NCKAP1L: variants seen among roughly 807,000 people sequenced by gnomAD.
NCKAP1L encodes the protein NCK associated protein 1 like.
Under a neutral mutation model 139.2 loss-of-function variants are expected in NCKAP1L, and 53 were observed. That is an observed-to-expected ratio of 0.38 (90% CI 0.31 to 0.48). The LOEUF is 0.48. Among genes scored for constraint, NCKAP1L ranks in the 20% least tolerant of loss-of-function variants. The probability of loss-of-function intolerance (pLI) is 0.98; values close to 1 mark genes in which losing one functional copy is unlikely to be tolerated. For synonymous variants in NCKAP1L, 468 were observed against 499.7 expected (o/e 0.94, Z 0.85); for missense variants, 1,151 against 1,381.9 (o/e 0.83, Z 2.65).
intron 10 of NCKAP1L, 94 bp downstream of exon 10, chr12:54,516,389 G>A: frequency 8.6e-7 from 1 of 1,161,238 alleles, no homozygotes; most frequent in Non-Finnish European, 1.3e-6. Context: ...TTTCTGTACA[G>A]CTTTATTGCC....
intron 3 of NCKAP1L, among the ~76,000 whole-genome samples, chr12:54,506,736 TA>T (rs1442329542): frequency 6.9e-6 from 1 of 144,710 alleles, no homozygotes; most frequent in African/African-American, 2.5e-5. Flanking sequence ...CTTGGCATCA[TA>T]TTTTTTTTAT....
At chr12:54,537,858 T>G (rs944040549) in intron 29 of NCKAP1L, among the ~76,000 whole-genome samples, 1 of 152,146 alleles carries the variant, frequency 6.6e-6, no homozygotes, top group Non-Finnish European at 1.5e-5. Context: ...ATCCAATTTC[T>G]TAAAAAAAAT....
At chr12:54,533,101 T>C (rs570309127) in intron 26 of NCKAP1L, among the ~76,000 whole-genome samples, 1 of 152,318 alleles carries the variant, frequency 6.6e-6, no homozygotes, top group African/African-American at 2.4e-5. Flanking sequence ...GGCAAGTGAC[T>C]GTGGGGGCAG....
intron 7 of NCKAP1L, among the ~76,000 whole-genome samples, 158 bp downstream of exon 7, chr12:54,510,143 T>C (rs571717983): frequency 6.6e-6 from 1 of 152,322 alleles, no homozygotes; most frequent in East Asian, 1.9e-4. Flanking sequence ...AGCTAAAAAA[T>C]CATGGTTGGT....
At chr12:54,538,789 A>T in intron 29 of NCKAP1L, 95 bp from the exon 30 acceptor site, 1 of 924,234 alleles carries the variant, frequency 1.1e-6, no homozygotes, top group Non-Finnish European at 1.7e-6. Context: ...AGCACTTCTT[A>T]ACTCTCTCCT....
intron 18 of NCKAP1L, 57 bp downstream of exon 18, chr12:54,521,295 C>T (rs966633777): frequency 1.3e-6 from 2 of 1,596,030 alleles, no homozygotes; most frequent in Non-Finnish European, 1.7e-6. Context: ...GTGCCTTCCC[C>T]TCTATCTAAC....
intron 9 of NCKAP1L, 150 bp from the exon 10 acceptor site, chr12:54,516,089 G>T (rs891105466): frequency 3.0e-6 from 2 of 676,060 alleles, no homozygotes; most frequent in Non-Finnish European, 5.3e-6. Context: ...ATAGGCTAGG[G>T]TGAGAAGTAG....
chr12:54,530,097 C>T (rs1243670216), intron 22 of NCKAP1L, among the ~76,000 whole-genome samples: 1 of 152,224 alleles, frequency 6.6e-6, no homozygotes, highest in Non-Finnish European at 1.5e-5. Context: ...GTGGCTGTGA[C>T]CAGTTCCATT....
intron 26 of NCKAP1L, among the ~76,000 whole-genome samples, chr12:54,534,093 G>T (rs569770929): frequency 1.3e-5 from 2 of 152,166 alleles, no homozygotes; most frequent in Non-Finnish European, 2.9e-5. Flanking sequence ...TCAGCATTAT[G>T]TTAAACACTA....
rs1956977495 is a variant in NCKAP1L at position 54,520,890 on chromosome 12, A to G, written c.1758+64A>G. Reference sequence around the variant, plus strand: ...TCATCATCCTTATCACCCAAAACACAATTCCAAGGGTTGATTTTGGTCCCA... The same window carrying G: ...TCATCATCCTTATCACCCAAAACACGATTCCAAGGGTTGATTTTGGTCCCA... On this transcript the variant is annotated intron_variant, in intron 17 of 30. Transcript: ENST00000293373. 4 of 1,605,296 alleles carry G rather than the reference A, an allele frequency of 2.5e-6. No homozygotes were observed. The Admixed American group carries it at 6.7e-5, about 27-fold the overall frequency.
rs779194825 is a variant in NCKAP1L, at chr12:54,516,229, C to G, written c.942-10C>G. The G allele has an allele frequency of 6.2e-6, 10 of 1,613,860 alleles. No individual in the cohort carries two copies. The East Asian group carries it at 1.6e-4, about 25-fold the overall frequency. ...ATGGTCAACCCCATTGTGCTTGTGT[C>G]AATCCTCAGGTATGGCAAGAGAGTG... On this transcript the variant is annotated splice_polypyrimidine_tract_variant and intron_variant, in intron 9 of 30. Coordinates refer to ENST00000293373, the MANE Select transcript of NCKAP1L (RefSeq NM_005337.5).
rs1048422192 is a variant in NCKAP1L, at chr12:54,548,084, C to G, written c.*5399C>G. 1 of 152,222 alleles carries G rather than the reference C, an allele frequency of 6.6e-6. No homozygotes were observed. The highest frequency in any genetic ancestry group is 6.5e-5 in the Admixed American group (1 of 15,276). 9.4% of individuals were successfully genotyped at this position (152,222 alleles called of 1,614,324 possible). On this transcript the variant is annotated 3_prime_UTR_variant, in exon 31 of 31. Coordinates refer to ENST00000293373, the MANE Select transcript of NCKAP1L (RefSeq NM_005337.5). The stretch of plus-strand genomic sequence containing the variant: ...GGAGTCTTAGCTGTGACAGTTCATC[C>G]GCTTCTTCGCCCTTCCATTTCACTT...
chr12:54,528,425 C>T, intron 22 of NCKAP1L, 48 bp downstream of exon 22: 2 of 1,594,898 alleles, frequency 1.3e-6, no homozygotes, highest in Non-Finnish European at 1.7e-6. Flanking sequence ...GCCCTTCCTT[C>T]AATGCACAGA....
rs1957189977 is a variant in NCKAP1L, at chr12:54,545,430, G to A, written c.*2745G>A. ...CTTGCCCGGTCTGCCTCTTCACAAG[G>A]GAAGACTTGGGTTTTAGAATCCAGA... On this transcript the variant is annotated 3_prime_UTR_variant, in exon 31 of 31. Transcript: ENST00000293373. The A allele has an allele frequency of 6.6e-6, 1 of 152,188 alleles. No individual in the cohort carries two copies. The highest frequency in any genetic ancestry group is 1.9e-4 in the East Asian group (1 of 5,200). The allele number at this position is 152,188 out of a possible 1,614,324, so 9.4% of individuals were successfully genotyped here.
Position 54,542,952 on chromosome 12 carries a change from G to C in NCKAP1L, c.*267G>C, listed in dbSNP as rs1314096397. ...ATGTGTGAATTTTACAATGAAAAAA[G>C]GAGTAACGTACAAGTATATTTTCTA... On this transcript the variant is annotated 3_prime_UTR_variant, in exon 31 of 31. Coordinates refer to ENST00000293373, the MANE Select transcript of NCKAP1L (RefSeq NM_005337.5). The C allele has an allele frequency of 2.6e-6, 1 of 380,660 alleles. No individual in the cohort carries two copies. The highest frequency in any genetic ancestry group is 4.8e-6 in the Non-Finnish European group (1 of 209,222). 23.6% of individuals were successfully genotyped at this position (380,660 alleles called of 1,614,324 possible).
intron 3 of NCKAP1L, among the ~76,000 whole-genome samples, chr12:54,503,629 A>G (rs1956819120): frequency 6.6e-6 from 1 of 151,058 alleles, no homozygotes; most frequent in Non-Finnish European, 1.5e-5. Context: ...ACACACATAT[A>G]TATTTTTTCT....
chr12:54,516,514 C>T (rs1039725877), intron 10 of NCKAP1L, among the ~76,000 whole-genome samples: 12 of 150,950 alleles, frequency 7.9e-5, no homozygotes, highest in Admixed American at 5.3e-4. Context: ...GGCATGATCT[C>T]GGCTCACTGC....
At chr12:54,517,667 C>A (rs1956944689) in intron 12 of NCKAP1L, 25 bp downstream of exon 12, 2 of 1,596,540 alleles carry the variant, frequency 1.3e-6, no homozygotes, top group East Asian at 2.2e-5. Flanking sequence ...TGGCTAAGAA[C>A]CTTGTCCTTA....
chr12:54,517,589 T>C lies in NCKAP1L; in HGVS notation c.1152T>C (p.Val384=). 6.2e-7 allele frequency: 1 copy of C among 1,614,180 alleles called. No homozygotes were observed. Residue 384 remains valine (V), a synonymous_variant, in exon 12 of 31, where the codon GTT becomes GTC. Coordinates refer to ENST00000293373, the MANE Select transcript of NCKAP1L (RefSeq NM_005337.5). ...TTCGTGATGAGGTCACCTGGCTGGTTCGCCACACAGAGAATGTCACCAAGA... is the reference window on the plus strand; with the variant it reads ...TTCGTGATGAGGTCACCTGGCTGGTCCGCCACACAGAGAATGTCACCAAGA... ...SFIRDEVTWL[V]RHTENVTKTK...
Sources: gnomAD v4.1 joint callset for allele counts (sites outside exome capture counted in the v4.1 genomes callset) on GRCh38, gnomAD v4.1.1 for gene constraint, MANE v1.5 for transcripts, NCBI Gene and HGNC (gene_info 2026-07-23, HGNC 2026-07-21) for gene names.